The following IL7 variants were observed in gnomAD, a reference collection of about 807,000 sequenced individuals.
IL7 encodes interleukin 7.
A neutral mutation model predicts 21.6 loss-of-function variants in IL7; 3 were observed. The ratio of observed to expected loss-of-function variants is 0.14; its 90% CI spans 0.06 to 0.36. The LOEUF (loss-of-function observed/expected upper bound fraction) is 0.36. IL7 is among the 10% of genes least tolerant of loss of function. The pLI, the probability that IL7 is intolerant of heterozygous loss-of-function variation, is 1.00. For missense variants in IL7, 175 were observed against 200.2 expected (o/e 0.87, Z 0.76); for synonymous variants, 62 against 68.1 (o/e 0.91, Z 0.44).
At chr8:78,721,573 C>T (rs1374551887) in intron 3 of IL7, 1 of 152,014 alleles carries the variant, frequency 6.6e-6, no homozygotes, top group African/African-American at 2.4e-5. Flanking sequence ...AACAGTGAGG[C>T]TGGGGATAGG....
chr8:78,684,483 A>G (rs764789304), intron 4 of IL7, among the ~76,000 whole-genome samples: 11 of 152,204 alleles, frequency 7.2e-5, no homozygotes, highest in Non-Finnish European at 1.5e-4. Flanking sequence ...GTACCCCCAT[A>G]ACAGGTGGAG....
At chr8:78,725,226 A>C (rs1028901140) in intron 3 of IL7, among the ~76,000 whole-genome samples, 1 of 152,006 alleles carries the variant, frequency 6.6e-6, no homozygotes, top group African/African-American at 2.4e-5. Context: ...TGCAGCCTCC[A>C]TTTCCTAGTG....
At chr8:78,740,491 T>A (rs185917470) in intron 2 of IL7, among the ~76,000 whole-genome samples, 121 of 152,312 alleles carry the variant, frequency 7.9e-4, no homozygotes, top group Non-Finnish European at 1.5e-3. Context: ...AAAAGGAATT[T>A]ATATTAGAAT....
Position 78,803,742 on chromosome 8 carries a change from G to T in IL7, c.10+1171C>A, listed in dbSNP as rs1398335630. ...CTATGGGCATTGCAAGGAAAATAGG[G>T]TTGTGCTCAATTTTTAGTTTTGTAT... On this transcript the variant is annotated intron_variant, in intron 1 of 5. Transcript: ENST00000263851. 7.9e-5 allele frequency among the ~76,000 whole-genome samples: 12 copies of T among 152,296 alleles called. No individual in the cohort carries two copies. In the East Asian group the frequency reaches 2.3e-3, roughly 29 times the overall value.
chr8:78,804,396 AGGGGGGAAAAATG>A (rs1563443539), intron 1 of IL7, among the ~76,000 whole-genome samples: 1 of 152,138 alleles, frequency 6.6e-6, no homozygotes, highest in African/African-American at 2.4e-5. Context: ...AGTCTTACTC[AGGGGGGAAAAATG>A]GGGTTTTCCG....
At chr8:78,804,400 G>T (rs992203407) in intron 1 of IL7, among the ~76,000 whole-genome samples, 1 of 152,168 alleles carries the variant, frequency 6.6e-6, no homozygotes, top group African/African-American at 2.4e-5. Flanking sequence ...TTACTCAGGG[G>T]GGAAAAATGG....
chr8:78,740,858 T>C (rs1474233365), intron 2 of IL7, among the ~76,000 whole-genome samples: 2 of 151,980 alleles, frequency 1.3e-5, no homozygotes, highest in African/African-American at 2.4e-5. Context: ...CAGACTGATA[T>C]GTGCGCTATT....
At chr8:78,786,092 G>A (rs115707077) in intron 2 of IL7, among the ~76,000 whole-genome samples, 2 of 152,194 alleles carry the variant, frequency 1.3e-5, no homozygotes, top group African/African-American at 4.8e-5. Flanking sequence ...GTGAAATACA[G>A]TTATGTGTCA....
chr8:78,801,972 A>T lies in IL7; in HGVS notation c.10+2941T>A, dbSNP rs183695610. On this transcript the variant is annotated intron_variant, in intron 1 of 5. Transcript: ENST00000263851. ...CATTGTTGTCACACCCACACTCCCCACCATCCTGAACTTTTCATTAGGTTA... is the reference window on the plus strand; with the variant it reads ...CATTGTTGTCACACCCACACTCCCCTCCATCCTGAACTTTTCATTAGGTTA... Among the ~76,000 whole-genome samples, 248 of 152,204 alleles carry T rather than the reference A, an allele frequency of 1.6e-3. 2 individuals are homozygous for T. The highest frequency in any genetic ancestry group is 5.6e-3 in the African/African-American group (234 of 41,546).
intron 1 of IL7, 103 bp downstream of exon 1, chr8:78,804,810 G>A: frequency 5.2e-6 from 7 of 1,353,966 alleles, no homozygotes; most frequent in Non-Finnish European, 7.3e-6. Flanking sequence ...TGCAAGGCCG[G>A]GCTATTCCCG....
rs202184308 is a variant in IL7 at position 78,689,423 on chromosome 8, A to T, written n.215-3476T>A. ...ATAAACGAGAAAATGGCTCATGGAC[A>T]TTCATAGATTATTGTTTATGCTTTT... On this transcript the variant is annotated intron_variant and non_coding_transcript_variant, in intron 3 of 4. Transcript: ENST00000523959. 3.0e-5 allele frequency: 44 copies of T among 1,478,278 alleles called. No individual in the cohort carries two copies. The African/African-American group carries it at 5.9e-4, about 20-fold the overall frequency. The allele number at this position is 1,478,278 out of a possible 1,614,324, so 91.6% of individuals were successfully genotyped here.
downstream of IL7, among the ~76,000 whole-genome samples, chr8:78,732,503 T>G (rs1811445244): frequency 6.6e-6 from 1 of 152,152 alleles, no homozygotes; most frequent in Non-Finnish European, 1.5e-5. Context: ...TTCAGTGCAA[T>G]GCAAACTGAC....
chr8:78,675,923 T>C, exon 5 of IL7: 1 of 1,443,902 alleles, frequency 6.9e-7, no homozygotes, highest in South Asian at 1.2e-5. Flanking sequence ...TCAATAATTC[T>C]GGTCAATTCT....
chr8:78,703,779 C>A (rs1173930143), intron 3 of IL7, among the ~76,000 whole-genome samples: 3 of 152,084 alleles, frequency 2.0e-5, no homozygotes, highest in Non-Finnish European at 2.9e-5. Context: ...AGCCCATTTA[C>A]ATTTAAGACT....
At chr8:78,729,399 G>T (rs1050463542), downstream of IL7, among the ~76,000 whole-genome samples, 5 of 151,912 alleles carry the variant, frequency 3.3e-5, no homozygotes, top group African/African-American at 7.2e-5. Context: ...CCCAATAAGT[G>T]GTCTTTATTC....
At position 78,732,877 on chromosome 8, in the gene IL7, A is replaced by AAAT. The variant is rs1306312124; in HGVS notation, c.*833_*835dup. On this transcript the variant is annotated 3_prime_UTR_variant, in exon 6 of 6. Coordinates refer to ENST00000263851, the MANE Select transcript of IL7 (RefSeq NM_000880.4). ...TATATACAGATATAGTGTCAAAATT[A>AAAT]AATACAGATATTTCATTAATTAAAA... 6.6e-6 allele frequency: 1 copy of AAAT among 151,900 alleles called. No individual in the cohort carries two copies. The highest frequency in any genetic ancestry group is 1.5e-5 in the Non-Finnish European group (1 of 67,988). The allele number at this position is 151,900 out of a possible 1,614,324, so 9.4% of individuals were successfully genotyped here.
At chr8:78,681,449 C>A (rs948640313) in intron 4 of IL7, among the ~76,000 whole-genome samples, 10 of 152,120 alleles carry the variant, frequency 6.6e-5, no homozygotes, top group African/African-American at 2.4e-4. Flanking sequence ...GTTAAAGAGT[C>A]AGTAATCTCA....
intron 4 of IL7, among the ~76,000 whole-genome samples, chr8:78,685,080 A>G (rs892687111): frequency 2.6e-5 from 4 of 152,296 alleles, no homozygotes; most frequent in East Asian, 3.9e-4. Flanking sequence ...TAATGTCTCA[A>G]TATTGAAAAT....
At chr8:78,724,770 G>C (rs1048796841) in intron 3 of IL7, among the ~76,000 whole-genome samples, 1 of 152,016 alleles carries the variant, frequency 6.6e-6, no homozygotes, top group Non-Finnish European at 1.5e-5. Context: ...TTCTCATGCC[G>C]TTCCCTTTTA....
Sources: allele counts gnomAD v4.1 joint callset (sites outside exome capture counted in the v4.1 genomes callset), GRCh38; gene constraint gnomAD v4.1.1; transcripts MANE v1.5; gene names NCBI Gene and HGNC (gene_info 2026-07-23, HGNC 2026-07-21).